Variants in RBFOX1 observed in about 807,000 individuals in gnomAD.
RBFOX1 encodes RNA binding fox-1 homolog 1.
RBFOX1 carries 8 observed loss-of-function variants against 57.7 expected under a neutral mutation model. That is an observed-to-expected ratio of 0.14 (90% CI 0.08 to 0.25). RBFOX1 has a LOEUF of 0.25. Ranked by LOEUF, RBFOX1 falls within the 10% of genes least tolerant of loss-of-function variation. The pLI is 1.00. For synonymous variants in RBFOX1, 326 were observed against 222.4 expected (o/e 1.47, Z -4.15); for missense variants, 611 against 548.5 (o/e 1.11, Z -1.14).
chr16:6,810,794 C>T (rs1404815617), intron 3 of RBFOX1, among the ~76,000 whole-genome samples: 3 of 152,064 alleles, frequency 2.0e-5, no homozygotes, highest in Non-Finnish European at 2.9e-5. Flanking sequence ...CATCAGATCT[C>T]GCCAGAAGTC....
chr16:5,587,114 A>C (rs975672411), intron 2 of RBFOX1, among the ~76,000 whole-genome samples: 2 of 152,186 alleles, frequency 1.3e-5, no homozygotes, highest in Non-Finnish European at 2.9e-5. Flanking sequence ...TGAAACTGAC[A>C]TGACCAAGAT....
intron 2 of RBFOX1, among the ~76,000 whole-genome samples, chr16:6,522,761 AT>A (rs1254545593): frequency 6.6e-6 from 1 of 152,120 alleles, no homozygotes; most frequent in African/African-American, 2.4e-5. Flanking sequence ...TGCTTAACCC[AT>A]TTTTATGCCT....
intron 1 of RBFOX1, among the ~76,000 whole-genome samples, chr16:6,289,540 T>C (rs1451141234): frequency 6.6e-6 from 1 of 152,164 alleles, no homozygotes; most frequent in East Asian, 1.9e-4. Flanking sequence ...TAGCTATTCA[T>C]TGGTAATAGC....
At chr16:5,406,406 C>T (rs901776999) in intron 1 of RBFOX1, among the ~76,000 whole-genome samples, 3 of 152,214 alleles carry the variant, frequency 2.0e-5, no homozygotes, top group East Asian at 1.9e-4. Flanking sequence ...CTTATGCCTT[C>T]AGTGTTCTGG....
intron 3 of RBFOX1, among the ~76,000 whole-genome samples, chr16:6,777,731 G>C (rs576895774): frequency 6.6e-6 from 1 of 152,158 alleles, no homozygotes; most frequent in East Asian, 1.9e-4. Flanking sequence ...TTCATAACTG[G>C]TGGGCTTGGT....
At chr16:7,148,445 A>C (rs937328810) in intron 4 of RBFOX1, among the ~76,000 whole-genome samples, 2 of 152,186 alleles carry the variant, frequency 1.3e-5, no homozygotes, top group Non-Finnish European at 2.9e-5. Context: ...ATGTATTTTA[A>C]AACCTCTTTT....
chr16:7,291,063 G>A (rs947696046), intron 4 of RBFOX1, among the ~76,000 whole-genome samples: 1 of 152,194 alleles, frequency 6.6e-6, no homozygotes, highest in Non-Finnish European at 1.5e-5. Flanking sequence ...TTCAGCCAAA[G>A]AGCATATATT....
intron 4 of RBFOX1, among the ~76,000 whole-genome samples, chr16:7,264,352 T>G (rs552482655): frequency 6.6e-6 from 1 of 152,308 alleles, no homozygotes; most frequent in South Asian, 2.1e-4. Flanking sequence ...GCCTCCAAGA[T>G]CTTATGAGAA....
intron 2 of RBFOX1, among the ~76,000 whole-genome samples, chr16:6,437,260 AC>A (rs899306743): frequency 1.3e-5 from 2 of 152,180 alleles, no homozygotes; most frequent in African/African-American, 4.8e-5. Context: ...TTCCCTACTG[AC>A]CTGCATTTAC....
intron 1 of RBFOX1, among the ~76,000 whole-genome samples, chr16:6,311,902 T>G (rs2080362765): frequency 6.6e-6 from 1 of 152,064 alleles, no homozygotes; most frequent in South Asian, 2.1e-4. Context: ...AATCCCTGAG[T>G]GGTATCAAGC....
chr16:6,055,436 T>C (rs1596761738), intron 1 of RBFOX1, among the ~76,000 whole-genome samples: 1 of 151,544 alleles, frequency 6.6e-6, no homozygotes, highest in East Asian at 1.9e-4. Context: ...CTACTAAAAA[T>C]ACAAAAATTA....
intron 2 of RBFOX1, among the ~76,000 whole-genome samples, chr16:6,344,780 A>C (rs1166685510): frequency 7.5e-6 from 1 of 132,474 alleles, no homozygotes; most frequent in Non-Finnish European, 1.6e-5. Context: ...AACCTCCACC[A>C]CCTGGGTTCA....
At chr16:6,345,772 A>G (rs1455581681) in intron 2 of RBFOX1, among the ~76,000 whole-genome samples, 1 of 152,174 alleles carries the variant, frequency 6.6e-6, no homozygotes, top group Non-Finnish European at 1.5e-5. Flanking sequence ...TTATTTTGCC[A>G]AGGTTGAGGA....
At chr16:7,085,162 A>G (rs1244170263) in intron 4 of RBFOX1, among the ~76,000 whole-genome samples, 1 of 152,198 alleles carries the variant, frequency 6.6e-6, no homozygotes, top group Non-Finnish European at 1.5e-5. Flanking sequence ...CTACAAACAT[A>G]AATGCCTCCA....
intron 4 of RBFOX1, among the ~76,000 whole-genome samples, chr16:7,342,210 A>T (rs965323596): frequency 3.9e-5 from 6 of 152,122 alleles, no homozygotes; most frequent in African/African-American, 1.4e-4. Flanking sequence ...CCACTTCCTC[A>T]TCTGTAAAAT....
At chr16:6,771,442 G>A (rs2078275870) in intron 3 of RBFOX1, among the ~76,000 whole-genome samples, 1 of 152,118 alleles carries the variant, frequency 6.6e-6, no homozygotes, top group African/African-American at 2.4e-5. Context: ...GTCTGCATTG[G>A]TGTCTTCTTA....
chr16:7,521,955 C>A (rs1032616450), intron 5 of RBFOX1, among the ~76,000 whole-genome samples: 4 of 152,152 alleles, frequency 2.6e-5, no homozygotes, highest in African/African-American at 7.2e-5. Context: ...AGTTCAGGCT[C>A]CAGTCACCAC....
intron 4 of RBFOX1, among the ~76,000 whole-genome samples, chr16:7,440,000 G>T (rs1244999495): frequency 1.5e-5 from 2 of 136,572 alleles, no homozygotes; most frequent in Non-Finnish European, 3.0e-5. Context: ...CACTCAGGCT[G>T]CAGTGCAGTG....
At position 5,450,289 on chromosome 16, in the gene RBFOX1, C is replaced by T. The variant is rs117115004; in HGVS notation, c.220-16927C>T. 5.1e-3 allele frequency among the ~76,000 whole-genome samples: 780 copies of T among 152,306 alleles called. 3 individuals are homozygous for T. The highest frequency in any genetic ancestry group is 0.027 in the Middle Eastern group (8 of 294). On this transcript the variant is annotated intron_variant, in intron 1 of 2. Transcript: ENST00000585867. ...AGGTAACAAGGGGGCAAGTCTGAGG[C>T]TCTGGGTCCTGCTTACATAAACAGC...
Sources: allele counts gnomAD v4.1 joint callset (sites outside exome capture counted in the v4.1 genomes callset), GRCh38; gene constraint gnomAD v4.1.1; transcripts MANE v1.5; gene names NCBI Gene and HGNC (gene_info 2026-07-23, HGNC 2026-07-21).